Variants in MAPK4 observed in about 807,000 individuals in gnomAD.
The protein encoded by MAPK4 is mitogen-activated protein kinase 4, also known as Erk3-related.
In MAPK4, 22 loss-of-function variants were observed where a neutral mutation model predicts 47.7. The observed-to-expected ratio is 0.46, with a 90% CI of 0.33 to 0.66. The LOEUF (loss-of-function observed/expected upper bound fraction) is 0.66, where lower values mean the gene tolerates loss of function less well. Ranked by LOEUF, MAPK4 falls within the 30% of genes least tolerant of loss-of-function variation. The pLI is 0.02. For synonymous variants in MAPK4, 390 were observed against 365.7 expected, an observed-to-expected ratio of 1.07 and a Z score of -0.76; for missense variants, 736 against 831.7, an observed-to-expected ratio of 0.88 and a Z score of 1.42.
chr18:50,588,587 C>T lies in MAPK4; in HGVS notation c.-871+28344C>T, dbSNP rs907400684. ...TGTTTGTTTGTTTGAGAAAGGGTCC[C>T]ACTCCGGTTGTCCAGGCTGACCAGT... On this transcript the variant is annotated intron_variant, in intron 1 of 5. Transcript: ENST00000400384. Among the ~76,000 whole-genome samples, 6 of 151,888 alleles carry T rather than the reference C, an allele frequency of 4.0e-5. No homozygotes were observed. The South Asian group carries it at 1.2e-3, about 32-fold the overall frequency.
chr18:50,596,091 G>C (rs1205376467), intron 1 of MAPK4, among the ~76,000 whole-genome samples: 1 of 151,966 alleles, frequency 6.6e-6, no homozygotes, highest in Non-Finnish European at 1.5e-5. Context: ...CTCAGCGCTG[G>C]GAGCTTTTCT....
At chr18:50,609,118 G>T (rs7226962) in intron 1 of MAPK4, among the ~76,000 whole-genome samples, 146,744 of 152,160 alleles carry the variant, frequency 0.96, 70,961 homozygotes, top group East Asian at 1. Flanking sequence ...CTATGTCTAC[G>T]TCTTTCTACA....
At chr18:50,562,995 T>G (rs1035548385) in intron 1 of MAPK4, among the ~76,000 whole-genome samples, 3 of 152,214 alleles carry the variant, frequency 2.0e-5, no homozygotes, top group African/African-American at 7.2e-5. Flanking sequence ...GGTAATGGCT[T>G]TATCCCAGCT....
chr18:50,579,740 A>G (rs1383191427), intron 1 of MAPK4, among the ~76,000 whole-genome samples: 1 of 152,146 alleles, frequency 6.6e-6, no homozygotes, highest in Non-Finnish European at 1.5e-5. Context: ...GCTGGGCATT[A>G]TGGAGTCAGT....
At chr18:50,647,129 C>T (rs1255759239) in intron 1 of MAPK4, among the ~76,000 whole-genome samples, 1 of 152,172 alleles carries the variant, frequency 6.6e-6, no homozygotes. Flanking sequence ...ATTAAATATT[C>T]AATAATGCTA....
intron 2 of MAPK4, among the ~76,000 whole-genome samples, chr18:50,685,217 C>T (rs1908806264): frequency 6.6e-6 from 1 of 152,266 alleles, no homozygotes. Flanking sequence ...AAACTTTCTT[C>T]TAAAGGCACA....
chr18:50,677,290 G>A (rs8096347), intron 2 of MAPK4, among the ~76,000 whole-genome samples: 105,376 of 152,124 alleles, frequency 0.69, 39,885 homozygotes, highest in Non-Finnish European at 0.85. Flanking sequence ...GTTAACAATG[G>A]TTCGACAAGG....
At chr18:50,581,108 T>C (rs4041975) in intron 1 of MAPK4, among the ~76,000 whole-genome samples, 71,361 of 152,082 alleles carry the variant, frequency 0.47, 18,289 homozygotes, top group Non-Finnish European at 0.58. Flanking sequence ...GCACGAGTGC[T>C]TTTGCTTAAA....
At chr18:50,716,149 G>A (rs1213153477) in intron 3 of MAPK4, among the ~76,000 whole-genome samples, 2 of 152,120 alleles carry the variant, frequency 1.3e-5, no homozygotes, top group Non-Finnish European at 2.9e-5. Flanking sequence ...GCTAGGAAGA[G>A]CACTTGCTCT....
chr18:50,654,767 C>T (rs1035334001), intron 1 of MAPK4, among the ~76,000 whole-genome samples: 33 of 152,342 alleles, frequency 2.2e-4, no homozygotes, highest in African/African-American at 6.0e-4. Context: ...AGACTTCCCA[C>T]GCAGGGACCC....
At chr18:50,674,060 G>A (rs1428993758) in intron 2 of MAPK4, among the ~76,000 whole-genome samples, 2 of 152,120 alleles carry the variant, frequency 1.3e-5, no homozygotes, top group African/African-American at 4.8e-5. Context: ...GTGCATAAGT[G>A]TTGAATAATG....
intron 4 of MAPK4, 50 bp from the exon 5 acceptor site, chr18:50,725,912 G>A: frequency 6.9e-7 from 1 of 1,456,348 alleles, no homozygotes; most frequent in Non-Finnish European, 9.6e-7. Context: ...CTCCTTCTGA[G>A]CTCAACAAGG....
rs554696722 is a variant in MAPK4, at chr18:50,721,985, G to A, written c.739G>A (p.Val247Ile). ...QMQLILETIP[V>I]IREEDKDELL... ...GCAACTCATCCTGGAGACCATCCCT[G>A]TAATCCGGGAGGAAGACAAGGACGA... The change falls in exon 4 of 6, where the codon GTA becomes ATA. Residue 247 changes from valine to isoleucine, a missense_variant. This residue lies in a region of MAPK4 where 327 missense variants were observed against 395.4 expected (regional missense o/e 0.83). Coordinates refer to ENST00000400384, the MANE Select transcript of MAPK4 (RefSeq NM_002747.4). The A allele has an allele frequency of 2.1e-5, 34 of 1,613,970 alleles. No homozygotes were observed. Among genetic ancestry groups the A allele is most frequent in the Non-Finnish European group, 2.7e-5 (32 of 1,180,018 alleles).
intron 2 of MAPK4, among the ~76,000 whole-genome samples, chr18:50,681,142 C>T (rs1250261758): frequency 1.3e-5 from 2 of 152,056 alleles, no homozygotes; most frequent in African/African-American, 4.8e-5. Context: ...TTTTGATTTG[C>T]ATTTCCCAGA....
intron 1 of MAPK4, among the ~76,000 whole-genome samples, chr18:50,579,449 C>T (rs910904478): frequency 1.3e-5 from 2 of 152,276 alleles, no homozygotes; most frequent in East Asian, 3.9e-4. Context: ...AGATGAGTTA[C>T]AAAAATGCAA....
At chr18:50,635,820 C>G (rs1331791511) in intron 1 of MAPK4, among the ~76,000 whole-genome samples, 1 of 152,128 alleles carries the variant, frequency 6.6e-6, no homozygotes. Context: ...TGGCTTGGTC[C>G]TCTAGGCCCC....
intron 1 of MAPK4, among the ~76,000 whole-genome samples, chr18:50,631,488 T>G (rs908156536): frequency 6.6e-6 from 1 of 152,184 alleles, no homozygotes; most frequent in East Asian, 1.9e-4. Flanking sequence ...ATGACCATAT[T>G]AGAATGTAAC....
At chr18:50,665,576 C>T (rs940520633) in intron 2 of MAPK4, among the ~76,000 whole-genome samples, 1 of 152,214 alleles carries the variant, frequency 6.6e-6, no homozygotes, top group Non-Finnish European at 1.5e-5. Context: ...GAGCCCCATT[C>T]CTCTGCCCTC....
chr18:50,691,536 A>C (rs778417859), intron 2 of MAPK4, among the ~76,000 whole-genome samples: 22 of 152,162 alleles, frequency 1.4e-4, no homozygotes, highest in Non-Finnish European at 2.8e-4. Context: ...AACTTAACAA[A>C]TCCTGAGGCA....
Sources: gnomAD v4.1 joint callset for allele counts (sites outside exome capture counted in the v4.1 genomes callset) on GRCh38, gnomAD v4.1.1 for gene constraint, gnomAD v4.1.1 regional missense constraint, MANE v1.5 for transcripts, NCBI Gene and HGNC (gene_info 2026-07-23, HGNC 2026-07-21) for gene names.